The following WDFY2 variants were observed in gnomAD, a reference collection of about 807,000 sequenced individuals.
WDFY2 encodes WD repeat and FYVE domain-containing protein 2.
Under a neutral mutation model 56.4 loss-of-function variants are expected in WDFY2, and 36 were observed. The ratio of observed to expected loss-of-function variants is 0.64; its 90% confidence interval spans 0.49 to 0.84. WDFY2 has a LOEUF of 0.84. WDFY2 is among the 40% of genes least tolerant of loss of function. WDFY2 has a pLI of 0.00. For synonymous variants in WDFY2, 176 were observed against 183.7 expected, an observed-to-expected ratio of 0.96 and a Z score of 0.34; for missense variants, 444 against 512.2, an observed-to-expected ratio of 0.87 and a Z score of 1.29.
At chr13:51,677,899 G>A (rs1184316779) in intron 3 of WDFY2, among the ~76,000 whole-genome samples, 4 of 152,138 alleles carry the variant, frequency 2.6e-5, no homozygotes, top group South Asian at 2.1e-4. Context: ...TCAGTTTTGC[G>A]ATATAGGAGA....
chr13:51,611,052 A>C (rs1954493049), intron 1 of WDFY2, among the ~76,000 whole-genome samples: 1 of 152,214 alleles, frequency 6.6e-6, no homozygotes, highest in Admixed American at 6.5e-5. Context: ...GTGTTCTGCT[A>C]ATTGGAGTCC....
At chr13:51,712,141 T>G (rs1027555107) in intron 4 of WDFY2, among the ~76,000 whole-genome samples, 3 of 152,206 alleles carry the variant, frequency 2.0e-5, no homozygotes, top group Non-Finnish European at 4.4e-5. Context: ...GTTCATGTCC[T>G]TTGTAGGGAC....
At chr13:51,720,697 T>C (rs1314751062) in intron 5 of WDFY2, among the ~76,000 whole-genome samples, 2 of 152,218 alleles carry the variant, frequency 1.3e-5, no homozygotes, top group South Asian at 2.1e-4. Flanking sequence ...TTGCTTACAA[T>C]TCTGGAGGCT....
At position 51,656,230 on chromosome 13, in the gene WDFY2, T is replaced by C. The variant is rs570763284; in HGVS notation, c.138-4366T>C. 5.9e-5 allele frequency among the ~76,000 whole-genome samples: 9 copies of C among 152,128 alleles called. No individual in the cohort carries two copies. In the East Asian group the frequency reaches 1.4e-3, roughly 23 times the overall value. ...TGAGTACTGCTTTCACAGCCCCCAA[T>C]ACATTTTAATGTGTTGTGCTTTTGT... On this transcript the variant is annotated intron_variant, in intron 1 of 11. Coordinates refer to ENST00000298125, the MANE Select transcript of WDFY2 (RefSeq NM_052950.4).
At chr13:51,643,434 G>C (rs1336767449) in intron 1 of WDFY2, among the ~76,000 whole-genome samples, 1 of 152,234 alleles carries the variant, frequency 6.6e-6, no homozygotes, top group African/African-American at 2.4e-5. Context: ...GAGGAATATG[G>C]TGGTGAGTAG....
chr13:51,592,848 G>A (rs540122038), intron 1 of WDFY2, among the ~76,000 whole-genome samples: 6 of 152,292 alleles, frequency 3.9e-5, no homozygotes, highest in African/African-American at 7.2e-5. Flanking sequence ...TAGGCCAGGC[G>A]TGGTGATTCA....
chr13:51,625,442 T>C (rs959983136), intron 1 of WDFY2, among the ~76,000 whole-genome samples: 21 of 152,364 alleles, frequency 1.4e-4, no homozygotes, highest in Middle Eastern at 3.4e-3. Context: ...AATGTAGCTA[T>C]CCTTTAGCCT....
chr13:51,629,826 C>CTTTTTTTTTTTTTTTTTTTTT (rs11432630), intron 1 of WDFY2, among the ~76,000 whole-genome samples: 4 of 125,142 alleles, frequency 3.2e-5, no homozygotes, highest in Admixed American at 1.7e-4. Flanking sequence ...TCTTTCTTTT[C>CTTTTTTTTTTTTTTTTTTTTT]TTTTTTTTTT....
In WDFY2 at chr13:51,584,561, G is replaced by C; in HGVS notation, c.-127G>C. On this transcript the variant is annotated 5_prime_UTR_variant, in exon 1 of 12. Transcript: ENST00000298125. ...GAGAGGCGGCCAGGCTATGCTCGCC[G>C]GTTTCCGGCGTTCCGCTCCGGCCAG... The C allele has an allele frequency of 1.5e-6, 2 of 1,328,716 alleles. No individual in the cohort carries two copies. The highest frequency in any genetic ancestry group is 2.0e-6 in the Non-Finnish European group (2 of 1,005,896). 82.3% of individuals were successfully genotyped at this position (1,328,716 alleles called of 1,614,324 possible).
At chr13:51,705,088 G>A (rs1252312511) in intron 4 of WDFY2, among the ~76,000 whole-genome samples, 1 of 152,208 alleles carries the variant, frequency 6.6e-6, no homozygotes, top group African/African-American at 2.4e-5. Flanking sequence ...CTGCCATGTT[G>A]TGAGCTGCCC....
intron 6 of WDFY2, among the ~76,000 whole-genome samples, chr13:51,734,048 C>G (rs1235085395): frequency 6.6e-6 from 1 of 152,182 alleles, no homozygotes; most frequent in Non-Finnish European, 1.5e-5. Context: ...ATTCAACAGG[C>G]TCTTAGTCTC....
At chr13:51,587,646 G>C (rs1233677350) in intron 1 of WDFY2, 1 of 152,222 alleles carries the variant, frequency 6.6e-6, no homozygotes, top group African/African-American at 2.4e-5. Context: ...CCAGTCACAT[G>C]CATACATGGT....
intron 3 of WDFY2, among the ~76,000 whole-genome samples, chr13:51,691,108 A>G (rs1157463996): frequency 3.3e-5 from 5 of 152,056 alleles, no homozygotes; most frequent in African/African-American, 4.8e-5. Context: ...CCTTTGTCAG[A>G]TGAGTAGGTT....
At chr13:51,711,942 A>G (rs1243144582) in intron 4 of WDFY2, among the ~76,000 whole-genome samples, 2 of 152,232 alleles carry the variant, frequency 1.3e-5, no homozygotes, top group African/African-American at 4.8e-5. Context: ...ATTACTGGTT[A>G]TATACCCAAA....
At chr13:51,665,058 G>A (rs1955676344) in intron 2 of WDFY2, among the ~76,000 whole-genome samples, 1 of 152,188 alleles carries the variant, frequency 6.6e-6, no homozygotes, top group South Asian at 2.1e-4. Flanking sequence ...TGTATGGTGA[G>A]TGTTTTAATG....
chr13:51,727,307 G>A (rs1000944008), intron 5 of WDFY2, among the ~76,000 whole-genome samples: 5 of 152,044 alleles, frequency 3.3e-5, no homozygotes, highest in Admixed American at 2.6e-4. Flanking sequence ...TTAATATCTG[G>A]TAGGGCTAAC....
At chr13:51,641,579 C>A (rs1327465417) in intron 1 of WDFY2, among the ~76,000 whole-genome samples, 3 of 151,088 alleles carry the variant, frequency 2.0e-5, no homozygotes, top group African/African-American at 7.3e-5. Flanking sequence ...GTAATCCCAG[C>A]ACTTTGGGAG....
chr13:51,749,316 T>C (rs765463121), intron 7 of WDFY2, among the ~76,000 whole-genome samples: 7 of 152,164 alleles, frequency 4.6e-5, no homozygotes, highest in Non-Finnish European at 1.0e-4. Flanking sequence ...ATAAAGGGAT[T>C]GTGAGACCAA....
intron 5 of WDFY2, among the ~76,000 whole-genome samples, chr13:51,724,841 A>T (rs1037789126): frequency 2.0e-5 from 3 of 152,222 alleles, no homozygotes; most frequent in Admixed American, 2.0e-4. Flanking sequence ...TCACTGCTCT[A>T]AATAGCCTCT....
Sources: allele counts gnomAD v4.1 joint callset (sites outside exome capture counted in the v4.1 genomes callset), GRCh38; gene constraint gnomAD v4.1.1; transcripts MANE v1.5; gene names NCBI Gene and HGNC (gene_info 2026-07-23, HGNC 2026-07-21).